The following NINJ2 variants were observed in gnomAD, a reference collection of about 807,000 sequenced individuals.
NINJ2 encodes the protein ninjurin-2.
In NINJ2, 12 loss-of-function variants were observed where a neutral mutation model predicts 11.7. The ratio of observed to expected loss-of-function variants is 1.02; its 90% CI spans 0.66 to 1.66. The LOEUF is 1.66. Among genes scored for constraint, NINJ2 ranks in the 40% most tolerant of loss-of-function variants. The probability of loss-of-function intolerance (pLI) is 0.00; values close to 1 mark genes in which losing one functional copy is unlikely to be tolerated. For missense variants in NINJ2, 187 were observed against 181.8 expected, an observed-to-expected ratio of 1.03 and a Z score of -0.16; for synonymous variants, 93 against 76.8, an observed-to-expected ratio of 1.21 and a Z score of -1.10.
chr12:654,283 G>A lies in NINJ2; in HGVS notation c.33+9045C>T, dbSNP rs562703156. Reference sequence around the variant, plus strand: ...CTCACGCCTGTAATCCCACACTTTGGGAGGCCGAGGTGGGCAGATCACCTG... The same window carrying A: ...CTCACGCCTGTAATCCCACACTTTGAGAGGCCGAGGTGGGCAGATCACCTG... On this transcript the variant is annotated intron_variant, in intron 1 of 3. Coordinates refer to ENST00000305108, the MANE Select transcript of NINJ2 (RefSeq NM_016533.6). Among the ~76,000 whole-genome samples the A allele has an allele frequency of 9.1e-4, 138 of 152,266 alleles. 2 individuals are homozygous for A. Among genetic ancestry groups the A allele is most frequent in the African/African-American group, 3.1e-3 (128 of 41,546 alleles).
At chr12:566,490 C>T (rs1371998105) in intron 1 of NINJ2, among the ~76,000 whole-genome samples, 1 of 152,206 alleles carries the variant, frequency 6.6e-6, no homozygotes, top group East Asian at 1.9e-4. Flanking sequence ...GCACCTTCCT[C>T]ACCCTATTCA....
At chr12:654,195 T>C (rs572042892) in intron 1 of NINJ2, among the ~76,000 whole-genome samples, 25 of 151,992 alleles carry the variant, frequency 1.6e-4, no homozygotes, top group Admixed American at 1.1e-3. Context: ...GAGTAAGACC[T>C]TGTATCAAAC....
intron 1 of NINJ2, among the ~76,000 whole-genome samples, chr12:638,828 C>G (rs967782789): frequency 1.3e-5 from 2 of 152,196 alleles, no homozygotes; most frequent in Non-Finnish European, 2.9e-5. Context: ...TCTCGGGAAC[C>G]ATGCTCCACC....
At chr12:613,020 G>A (rs1343265626) in intron 1 of NINJ2, among the ~76,000 whole-genome samples, 1 of 152,190 alleles carries the variant, frequency 6.6e-6, no homozygotes, top group Non-Finnish European at 1.5e-5. Context: ...ATCAGGCAAG[G>A]TGTGACCAGA....
rs1233145434 is a variant in NINJ2, at chr12:591,786, A to G, written c.34-25608T>C. Among the ~76,000 whole-genome samples, 1 of 152,164 alleles carries G rather than the reference A, an allele frequency of 6.6e-6. No individual in the cohort carries two copies. Among genetic ancestry groups the G allele is most frequent in the South Asian group, 2.1e-4 (1 of 4,832 alleles). ...TTGTGGGAGCTGGCTGCAAGGGCCA[A>G]GGGTGTTTCTTTAGAGATATTTCTC... On this transcript the variant is annotated intron_variant, in intron 1 of 3. Transcript: ENST00000305108. The surrounding 1 kb of genome is among the most constrained non-coding windows in gnomAD (Gnocchi z 5.0).
chr12:639,462 C>A (rs1948394042), intron 1 of NINJ2, among the ~76,000 whole-genome samples: 1 of 145,380 alleles, frequency 6.9e-6, no homozygotes, highest in African/African-American at 2.6e-5. Flanking sequence ...GTGTCCTTAA[C>A]CTCTATGTTG....
At chr12:604,645 A>G (rs1010553624) in intron 1 of NINJ2, among the ~76,000 whole-genome samples, 4 of 152,120 alleles carry the variant, frequency 2.6e-5, no homozygotes, top group African/African-American at 9.7e-5. Flanking sequence ...CCCAACAACA[A>G]CAACAATAGC....
intron 1 of NINJ2, among the ~76,000 whole-genome samples, chr12:606,908 G>A (rs73596266): frequency 0.055 from 8,375 of 152,220 alleles, 286 homozygotes; most frequent in Non-Finnish European, 0.074. Context: ...AGAGGACGAC[G>A]CTTTGAACTG....
At chr12:595,081 A>G (rs1029537484) in intron 1 of NINJ2, among the ~76,000 whole-genome samples, 2 of 152,250 alleles carry the variant, frequency 1.3e-5, no homozygotes, top group Non-Finnish European at 2.9e-5. Flanking sequence ...AATACAATGT[A>G]GCAAAGATAC....
In NINJ2 at chr12:585,644, C is replaced by T. The variant is rs1205943762; in HGVS notation, c.34-19466G>A. On this transcript the variant is annotated intron_variant, in intron 1 of 3. Transcript: ENST00000305108. This position sits in a 1 kb window ranked among gnomAD's most constrained non-coding sequence, Gnocchi z 4.1. ...GGATGAGTCAGCAGCATCGATTAAG[C>T]ACCCACTGTGTGCAATGTCCTGAAC... Among the ~76,000 whole-genome samples, 1 of 152,226 alleles carries T rather than the reference C, an allele frequency of 6.6e-6. No homozygotes were observed. Among genetic ancestry groups the T allele is most frequent in the Non-Finnish European group, 1.5e-5 (1 of 68,048 alleles).
At chr12:643,194 G>A (rs55800929) in intron 1 of NINJ2, 18,564 of 155,332 alleles carry the variant, frequency 0.12, 1,354 homozygotes, top group Non-Finnish European at 0.16. Flanking sequence ...GCCACCGAGG[G>A]CTCCAGGAGC....
At chr12:624,808 C>CAAA (rs11371283) in intron 1 of NINJ2, among the ~76,000 whole-genome samples, 8 of 129,696 alleles carry the variant, frequency 6.2e-5, no homozygotes, top group Non-Finnish European at 6.4e-5. Flanking sequence ...GACTCCATCT[C>CAAA]AAAAAAAAAA....
At chr12:573,738 G>A (rs1353315182) in intron 1 of NINJ2, among the ~76,000 whole-genome samples, 4 of 152,180 alleles carry the variant, frequency 2.6e-5, no homozygotes, top group Admixed American at 2.6e-4. Flanking sequence ...CTTGTCTGAG[G>A]CTTTCCTGAA....
At chr12:570,652 C>A (rs927145477) in intron 1 of NINJ2, among the ~76,000 whole-genome samples, 4 of 152,126 alleles carry the variant, frequency 2.6e-5, no homozygotes, top group Non-Finnish European at 4.4e-5. Context: ...GACTCTTCGC[C>A]GCTGGCTCTC....
At chr12:629,896 A>AAAATATATAT in intron 1 of NINJ2, among the ~76,000 whole-genome samples, 1 of 9,904 alleles carries the variant, frequency 1.0e-4, no homozygotes, top group African/African-American at 1.5e-4. Context: ...AAAAAAAAAA[A>AAAATATATAT]ATATATATAT....
intron 1 of NINJ2, among the ~76,000 whole-genome samples, chr12:597,511 G>C (rs1947804121): frequency 6.6e-6 from 1 of 152,172 alleles, no homozygotes; most frequent in African/African-American, 2.4e-5. Flanking sequence ...AAGATTATAA[G>C]GAACAAACAA....
At chr12:613,501 T>C (rs1467773323) in intron 1 of NINJ2, among the ~76,000 whole-genome samples, 1 of 151,788 alleles carries the variant, frequency 6.6e-6, no homozygotes, top group Admixed American at 6.6e-5. Flanking sequence ...CCCAGCTACT[T>C]GGGAGGCTGA....
chr12:609,026 C>A (rs547513459), intron 1 of NINJ2, among the ~76,000 whole-genome samples: 2 of 151,694 alleles, frequency 1.3e-5, no homozygotes, highest in African/African-American at 2.4e-5. Context: ...ACGCTAGGGG[C>A]TGTACGCACG....
intron 1 of NINJ2, among the ~76,000 whole-genome samples, chr12:638,882 AACATT>A (rs1297530592): frequency 6.6e-6 from 1 of 152,216 alleles, no homozygotes; most frequent in Admixed American, 6.5e-5. Flanking sequence ...GTACACAGCG[AACATT>A]ACATCAGTAT....
Sources: allele counts gnomAD v4.1 joint callset (sites outside exome capture counted in the v4.1 genomes callset), GRCh38; gene constraint gnomAD v4.1.1; non-coding constraint Gnocchi (gnomAD v3.1); transcripts MANE v1.5; gene names NCBI Gene and HGNC (gene_info 2026-07-23, HGNC 2026-07-21).